Variants in PDE4D observed in about 807,000 individuals in gnomAD.
PDE4D encodes phosphodiesterase 4D.
In PDE4D, 24 loss-of-function variants were observed where a neutral mutation model predicts 87.4. That is an observed-to-expected ratio of 0.27 (90% CI 0.20 to 0.39). The LOEUF is 0.39. PDE4D is among the 10% of genes least tolerant of loss of function. PDE4D has a pLI of 1.00. For missense variants in PDE4D, 714 were observed against 1,041.0 expected (o/e 0.69, Z 4.32); for synonymous variants, 384 against 383.2 (o/e 1.00, Z -0.02).
intron 1 of PDE4D, among the ~76,000 whole-genome samples, chr5:60,400,340 G>A (rs1740950478): frequency 6.6e-6 from 1 of 151,594 alleles, no homozygotes; most frequent in Non-Finnish European, 1.5e-5. Context: ...GGCTAACATG[G>A]TGAAACCCTG....
rs1213574897 is a variant in PDE4D at position 59,817,732 on chromosome 5, A to G, written c.455+75436T>C. ...GGCATGCAGGCACGCGCGCGCGCGC[A>G]CACACCCACACCCCCCCCCACACAC... On this transcript the variant is annotated intron_variant, in intron 1 of 14. Transcript: ENST00000340635. Among the ~76,000 whole-genome samples the G allele has an allele frequency of 1.1e-4, 16 of 148,754 alleles. 1 individual carries two copies. The highest frequency in any genetic ancestry group is 8.7e-4 in the South Asian group (4 of 4,616).
chr5:60,394,518 A>T (rs1762761778), intron 1 of PDE4D, among the ~76,000 whole-genome samples: 1 of 152,190 alleles, frequency 6.6e-6, no homozygotes, highest in South Asian at 2.1e-4. Flanking sequence ...CGATTTGTCT[A>T]TATTTTCTGA....
intron 1 of PDE4D, among the ~76,000 whole-genome samples, chr5:60,324,288 C>T (rs2149848677): frequency 6.6e-6 from 1 of 152,304 alleles, no homozygotes; most frequent in East Asian, 1.9e-4. Context: ...GTTTGTCTAA[C>T]ATTTTATTTT....
At chr5:60,009,451 C>T (rs937678216) in intron 2 of PDE4D, among the ~76,000 whole-genome samples, 1 of 151,950 alleles carries the variant, frequency 6.6e-6, no homozygotes, top group Admixed American at 6.6e-5. Context: ...AGTAGTGTGA[C>T]AATGACAAAC....
chr5:59,258,478 T>A (rs1314585470), intron 1 of PDE4D, among the ~76,000 whole-genome samples: 1 of 151,898 alleles, frequency 6.6e-6, no homozygotes, highest in African/African-American at 2.4e-5. Context: ...TTTTTCTGTA[T>A]AGAAACTACC....
chr5:59,268,983 C>G (rs190762163), intron 1 of PDE4D, among the ~76,000 whole-genome samples: 1 of 151,938 alleles, frequency 6.6e-6, no homozygotes, highest in Non-Finnish European at 1.5e-5. Context: ...CAATAGAATT[C>G]ACTACATGAT....
intron 2 of PDE4D, among the ~76,000 whole-genome samples, chr5:60,110,560 A>G (rs1305014117): frequency 6.6e-6 from 1 of 152,186 alleles, no homozygotes; most frequent in East Asian, 1.9e-4. Flanking sequence ...GTGCAAATGT[A>G]AATTAGTATA....
At chr5:59,086,778 C>T in intron 5 of PDE4D, among the ~76,000 whole-genome samples, 1 of 152,190 alleles carries the variant, frequency 6.6e-6, no homozygotes, top group East Asian at 1.9e-4. Flanking sequence ...CTCCCTCTCT[C>T]AAGCCTAAAA....
intron 1 of PDE4D, 66 bp downstream of exon 1, chr5:59,893,102 T>C (rs956055718): frequency 2.8e-6 from 4 of 1,445,888 alleles, no homozygotes; most frequent in South Asian, 1.3e-5. Context: ...CCGACTTAGA[T>C]GGAGTATTTG....
chr5:60,318,313 C>CT (rs1755843314), intron 1 of PDE4D, among the ~76,000 whole-genome samples: 1 of 152,144 alleles, frequency 6.6e-6, no homozygotes, highest in South Asian at 2.1e-4. Context: ...CAACCCCTGC[C>CT]TTTTTTTGCT....
intron 5 of PDE4D, among the ~76,000 whole-genome samples, chr5:59,106,144 G>T (rs561079215): frequency 6.6e-6 from 1 of 152,168 alleles, no homozygotes; most frequent in Non-Finnish European, 1.5e-5. Flanking sequence ...TACAGATAAT[G>T]TACATGCACA....
intron 2 of PDE4D, among the ~76,000 whole-genome samples, chr5:60,024,683 T>C (rs566515777): frequency 2.6e-5 from 4 of 152,234 alleles, no homozygotes; most frequent in Non-Finnish European, 4.4e-5. Context: ...AAGTCATATT[T>C]TGATGTTCAT....
chr5:59,705,121 G>A (rs1753196075), intron 1 of PDE4D, among the ~76,000 whole-genome samples: 1 of 152,152 alleles, frequency 6.6e-6, no homozygotes, highest in Non-Finnish European at 1.5e-5. Context: ...CTGTTTCTGT[G>A]AGGGATTTTT....
chr5:60,286,333 A>T (rs942299669), intron 1 of PDE4D, among the ~76,000 whole-genome samples: 12 of 152,198 alleles, frequency 7.9e-5, no homozygotes, highest in African/African-American at 2.9e-4. Context: ...GAAAAACAAC[A>T]TTCTTAAAGA....
At chr5:59,232,059 G>A (rs1755332212) in intron 1 of PDE4D, among the ~76,000 whole-genome samples, 1 of 152,106 alleles carries the variant, frequency 6.6e-6, no homozygotes, top group Admixed American at 6.6e-5. Flanking sequence ...CAAACACTCA[G>A]GATTTACACC....
intron 3 of PDE4D, among the ~76,000 whole-genome samples, chr5:59,906,602 A>G (rs996212769): frequency 4.6e-5 from 7 of 152,190 alleles, no homozygotes; most frequent in African/African-American, 1.7e-4. Flanking sequence ...AGTCTAAAAT[A>G]TTTACTAAAC....
chr5:60,233,936 C>T (rs867269231), intron 1 of PDE4D, among the ~76,000 whole-genome samples: 10 of 151,914 alleles, frequency 6.6e-5, no homozygotes, highest in African/African-American at 2.2e-4. Context: ...CATGCTATCT[C>T]AACATACATA....
At chr5:59,810,013 A>G (rs1021421167) in intron 1 of PDE4D, among the ~76,000 whole-genome samples, 1 of 152,246 alleles carries the variant, frequency 6.6e-6, no homozygotes, top group Non-Finnish European at 1.5e-5. Flanking sequence ...CTCATAAGTC[A>G]CGTGAATCCT....
chr5:59,140,915 A>T (rs189311129), intron 5 of PDE4D, among the ~76,000 whole-genome samples: 1 of 152,230 alleles, frequency 6.6e-6, no homozygotes, highest in Non-Finnish European at 1.5e-5. Flanking sequence ...AGGAATCATC[A>T]GCGTATTCCT....
Sources: allele counts gnomAD v4.1 joint callset (sites outside exome capture counted in the v4.1 genomes callset), GRCh38; gene constraint gnomAD v4.1.1; transcripts MANE v1.5; gene names NCBI Gene and HGNC (gene_info 2026-07-23, HGNC 2026-07-21).